ESRRB: variants seen among roughly 807,000 people sequenced by gnomAD.
The protein encoded by ESRRB is steroid hormone receptor ERR2.
A neutral mutation model predicts 46.0 loss-of-function variants in ESRRB; 16 were observed. The observed-to-expected ratio is 0.35, with a 90% CI of 0.24 to 0.53. The LOEUF (loss-of-function observed/expected upper bound fraction) is 0.53, where lower values mean the gene tolerates loss of function less well. ESRRB is among the 20% of genes least tolerant of loss of function. The pLI, the probability that ESRRB is intolerant of heterozygous loss-of-function variation, is 0.93. For missense variants in ESRRB, 488 were observed against 607.4 expected (o/e 0.80, Z 2.07); for synonymous variants, 246 against 259.6 (o/e 0.95, Z 0.50).
intron 2 of ESRRB, among the ~76,000 whole-genome samples, chr14:76,446,672 T>C (rs1327947056): frequency 6.6e-6 from 1 of 152,116 alleles, no homozygotes; most frequent in African/African-American, 2.4e-5. Flanking sequence ...AAACATTCCG[T>C]TTATCTGATT....
chr14:76,452,290 G>A (rs960543522), intron 2 of ESRRB, among the ~76,000 whole-genome samples: 6 of 151,968 alleles, frequency 3.9e-5, no homozygotes, highest in African/African-American at 1.2e-4. Context: ...CCAAGATCAG[G>A]GCAAAAGGGC....
chr14:76,501,051 AC>A lies in ESRRB; in HGVS notation c.*2594del, dbSNP rs1837523987. 1.2e-5 allele frequency: 5 copies of A among 419,876 alleles called. 1 individual carries two copies. In the South Asian group the frequency reaches 1.5e-4, roughly 12 times the overall value. 26.0% of individuals were successfully genotyped at this position (419,876 alleles called of 1,614,324 possible). A position where few individuals can be genotyped will look rare whatever the true frequency, so the allele number is the denominator to read the frequency against. ...CCTCTCCGGGGAAGGGAGAGGACTG[AC>A]TTAGTGGAAGGTGGTGAAGTGAGGA... On this transcript the variant is annotated 3_prime_UTR_variant, in exon 7 of 7. Coordinates refer to ENST00000644823, the MANE Select transcript of ESRRB (RefSeq NM_001379180.1).
intron 1 of ESRRB, among the ~76,000 whole-genome samples, chr14:76,342,026 C>A (rs1884197441): frequency 6.6e-6 from 1 of 152,200 alleles, no homozygotes; most frequent in Non-Finnish European, 1.5e-5. Context: ...CAGGGAGGAA[C>A]TTCAGAATGC....
intron 2 of ESRRB, among the ~76,000 whole-genome samples, chr14:76,451,315 G>A (rs954062284): frequency 6.6e-6 from 1 of 152,210 alleles, no homozygotes; most frequent in African/African-American, 2.4e-5. Context: ...CCTTGGGCAA[G>A]TGACTTAGTT....
intron 1 of ESRRB, among the ~76,000 whole-genome samples, chr14:76,385,909 G>A (rs1473689305): frequency 2.0e-5 from 3 of 148,850 alleles, no homozygotes; most frequent in Non-Finnish European, 3.0e-5. Context: ...TCCACTAATA[G>A]TATCTACCTC....
At chr14:76,367,175 A>G (rs1698188668), upstream of ESRRB, among the ~76,000 whole-genome samples, 1 of 152,032 alleles carries the variant, frequency 6.6e-6, no homozygotes. Flanking sequence ...GTGAGACATG[A>G]TGATGTGTGC....
chr14:76,399,774 T>G (rs1259432293), intron 1 of ESRRB, among the ~76,000 whole-genome samples: 1 of 152,092 alleles, frequency 6.6e-6, no homozygotes, highest in Non-Finnish European at 1.5e-5. Flanking sequence ...AGGGTGACCA[T>G]GAGGAAGGGG....
chr14:76,449,466 G>A (rs1298759315), intron 2 of ESRRB, among the ~76,000 whole-genome samples: 1 of 151,866 alleles, frequency 6.6e-6, no homozygotes, highest in Non-Finnish European at 1.5e-5. Flanking sequence ...TACAAGAATT[G>A]TTTGAACCCG....
At chr14:76,451,997 T>C (rs1888402458) in intron 2 of ESRRB, among the ~76,000 whole-genome samples, 2 of 150,486 alleles carry the variant, frequency 1.3e-5, no homozygotes, top group Non-Finnish European at 3.0e-5. Context: ...CAGGCTGGAG[T>C]GCAATGTCAT....
At chr14:76,478,934 A>G (rs1219751854) in intron 3 of ESRRB, among the ~76,000 whole-genome samples, 1 of 152,182 alleles carries the variant, frequency 6.6e-6, no homozygotes, top group Non-Finnish European at 1.5e-5. Flanking sequence ...AGCAGCACAT[A>G]GGTTCAGGTC....
chr14:76,408,841 A>G (rs1230477809), intron 1 of ESRRB, among the ~76,000 whole-genome samples: 1 of 152,216 alleles, frequency 6.6e-6, no homozygotes, highest in African/African-American at 2.4e-5. Flanking sequence ...GGCCATGTGG[A>G]GAAGTAAGAG....
At chr14:76,476,308 T>C (rs921481278) in intron 3 of ESRRB, among the ~76,000 whole-genome samples, 1 of 152,230 alleles carries the variant, frequency 6.6e-6, no homozygotes, top group Non-Finnish European at 1.5e-5. Flanking sequence ...ATTGCAGTAT[T>C]TGGAAATATG....
At chr14:76,405,892 C>G (rs1566880036) in intron 1 of ESRRB, among the ~76,000 whole-genome samples, 1 of 152,034 alleles carries the variant, frequency 6.6e-6, no homozygotes, top group Non-Finnish European at 1.5e-5. Flanking sequence ...TCACTCCAGC[C>G]TGGGTGACAG....
chr14:76,340,949 A>T (rs1884184962), intron 1 of ESRRB, among the ~76,000 whole-genome samples: 2 of 152,272 alleles, frequency 1.3e-5, no homozygotes, highest in East Asian at 3.9e-4. Flanking sequence ...CAGTTTCCTC[A>T]TGAGCAGAAT....
At chr14:76,379,644 G>A (rs577799224) in intron 1 of ESRRB, among the ~76,000 whole-genome samples, 3 of 152,272 alleles carry the variant, frequency 2.0e-5, no homozygotes, top group East Asian at 1.9e-4. Flanking sequence ...GGTGATAGGA[G>A]GTGGGAGGTG....
intron 1 of ESRRB, among the ~76,000 whole-genome samples, chr14:76,320,240 T>C (rs1229668957): frequency 6.6e-6 from 1 of 152,228 alleles, no homozygotes; most frequent in Admixed American, 6.5e-5. Flanking sequence ...CGTAGGACAC[T>C]ATCTCAGAGG....
intron 1 of ESRRB, among the ~76,000 whole-genome samples, chr14:76,326,354 C>A (rs763847801): frequency 6.6e-6 from 1 of 152,194 alleles, no homozygotes; most frequent in Admixed American, 6.5e-5. Flanking sequence ...AAAGTCCAGA[C>A]TTTGGACTTG....
chr14:76,315,409 G>T (rs1341363581), intron 1 of ESRRB, among the ~76,000 whole-genome samples: 1 of 152,184 alleles, frequency 6.6e-6, no homozygotes, highest in Non-Finnish European at 1.5e-5. Context: ...GGACAGTAGA[G>T]AGCTGCAGTT....
Position 76,500,192 on chromosome 14 carries a change from G to A in ESRRB, c.*1734G>A, listed in dbSNP as rs1890611850. The A allele has an allele frequency of 2.7e-6, 2 of 751,992 alleles. No homozygotes were observed. The highest frequency in any genetic ancestry group is 1.8e-5 in the African/African-American group (1 of 56,550). 46.6% of individuals were successfully genotyped at this position (751,992 alleles called of 1,614,324 possible). A position where few individuals can be genotyped will look rare whatever the true frequency, so the allele number is the denominator to read the frequency against. ...TCATCCCAGACAGGAGGGAGGGCTG[G>A]CTGAAATCCACAAACTGCAGAGCAG... On this transcript the variant is annotated 3_prime_UTR_variant, in exon 7 of 7. Transcript: ENST00000644823.
Sources: gnomAD v4.1 joint callset for allele counts (sites outside exome capture counted in the v4.1 genomes callset) on GRCh38, gnomAD v4.1.1 for gene constraint, MANE v1.5 for transcripts, NCBI Gene and HGNC (gene_info 2026-07-23, HGNC 2026-07-21) for gene names.